Variants in THSD7A observed in about 807,000 individuals in gnomAD.
The protein encoded by THSD7A is thrombospondin type-1 domain-containing protein 7A.
THSD7A carries 96 observed loss-of-function variants against 231.3 expected under a neutral mutation model. The ratio of observed to expected loss-of-function variants is 0.41; its 90% CI spans 0.35 to 0.49. THSD7A has a LOEUF of 0.49. Ranked by LOEUF, THSD7A falls within the 20% of genes least tolerant of loss-of-function variation. The pLI is 0.05. For synonymous variants in THSD7A, 940 were observed against 743.3 expected (o/e 1.26, Z -4.30); for missense variants, 2,290 against 2,070.2 (o/e 1.11, Z -2.06).
chr7:11,384,648 A>G (rs1782658243), intron 23 of THSD7A: 2 of 152,150 alleles, frequency 1.3e-5, no homozygotes, highest in South Asian at 4.1e-4. Flanking sequence ...ACTTACCTAC[A>G]TAAGAATTTG....
At chr7:11,437,697 G>C (rs1583740189) in intron 13 of THSD7A, among the ~76,000 whole-genome samples, 2 of 151,964 alleles carry the variant, frequency 1.3e-5, no homozygotes, top group South Asian at 2.1e-4. Context: ...TTTCTGCCTG[G>C]TTTAATTAAA....
In THSD7A at chr7:11,636,683, C is replaced by T. The variant is rs1781872243; in HGVS notation, c.469G>A (p.Glu157Lys). 6.2e-7 allele frequency: 1 copy of T among 1,614,000 alleles called. No homozygotes were observed. The highest frequency in any genetic ancestry group is 8.5e-7 in the Non-Finnish European group (1 of 1,179,896). Reference sequence around the variant, plus strand: ...TTGTCTTTCTGGATGCACGCTATCTCCCTCACCTGAATACCTTCTTCCCCC... The same window carrying T: ...TTGTCTTTCTGGATGCACGCTATCTTCCTCACCTGAATACCTTCTTCCCCC... ...IKGEEGIQVR[E>K]IACIQKDKDI... Residue 157 changes from glutamate to lysine, a missense_variant, in exon 2 of 28, where the codon GAG becomes AAG. Glu to Lys is a moderately conservative substitution (Grantham distance 56, BLOSUM62 1). Transcript: ENST00000423059. The surrounding 1 kb of genome is among the most constrained non-coding windows in gnomAD (Gnocchi z 10.0).
chr7:11,686,958 C>T (rs1423570221), intron 1 of THSD7A, among the ~76,000 whole-genome samples: 1 of 151,802 alleles, frequency 6.6e-6, no homozygotes, highest in Non-Finnish European at 1.5e-5. Context: ...CATGTACCCT[C>T]TGAATCTAAC....
At chr7:11,612,141 C>T (rs753386857) in intron 2 of THSD7A, among the ~76,000 whole-genome samples, 2 of 152,072 alleles carry the variant, frequency 1.3e-5, no homozygotes, top group Non-Finnish European at 1.5e-5. Context: ...TCTACTGAAT[C>T]GCACCCATGA....
chr7:11,633,973 T>G (rs1781745640), intron 2 of THSD7A, among the ~76,000 whole-genome samples: 1 of 152,188 alleles, frequency 6.6e-6, no homozygotes. Context: ...GTTCTTGATT[T>G]GTGGCCCTGT....
intron 6 of THSD7A, among the ~76,000 whole-genome samples, chr7:11,534,554 G>C (rs988338396): frequency 6.6e-6 from 1 of 152,156 alleles, no homozygotes; most frequent in African/African-American, 2.4e-5. Flanking sequence ...TTCCACAAGA[G>C]AGCTCAGGTG....
chr7:11,627,036 C>A (rs899880473), intron 2 of THSD7A, among the ~76,000 whole-genome samples: 3 of 152,008 alleles, frequency 2.0e-5, no homozygotes, highest in African/African-American at 7.2e-5. Context: ...GGTTTTAAAA[C>A]TAAAAGATTT....
chr7:11,402,602 C>G (rs58102730), intron 22 of THSD7A, among the ~76,000 whole-genome samples: 49,173 of 151,922 alleles, frequency 0.32, 8,263 homozygotes, highest in African/African-American at 0.4. Context: ...ATCATAGATG[C>G]ACAGATGATA....
At chr7:11,791,981 TAA>T (rs1783965748) in intron 1 of THSD7A, among the ~76,000 whole-genome samples, 2 of 151,972 alleles carry the variant, frequency 1.3e-5, no homozygotes, top group African/African-American at 4.8e-5. Flanking sequence ...CAAGAAGCGC[TAA>T]AGACACTTTC....
chr7:11,573,528 G>T (rs758999797), intron 4 of THSD7A, among the ~76,000 whole-genome samples: 1 of 152,170 alleles, frequency 6.6e-6, no homozygotes, highest in Non-Finnish European at 1.5e-5. Context: ...CTGTAATCAC[G>T]GTCTTCTGGC....
intron 25 of THSD7A, 83 bp downstream of exon 25, chr7:11,379,547 T>G (rs1462226601): frequency 7.8e-7 from 1 of 1,289,904 alleles, no homozygotes; most frequent in Non-Finnish European, 1.1e-6. Flanking sequence ...CATGCTTTCT[T>G]TGGAGGAAGA....
chr7:11,489,390 T>C (rs998954334), intron 6 of THSD7A, among the ~76,000 whole-genome samples: 1 of 152,100 alleles, frequency 6.6e-6, no homozygotes, highest in East Asian at 1.9e-4. Context: ...AAAGGACTTA[T>C]TTTAGGAAAC....
At chr7:11,567,563 C>G (rs1790412549) in intron 4 of THSD7A, among the ~76,000 whole-genome samples, 1 of 152,170 alleles carries the variant, frequency 6.6e-6, no homozygotes, top group African/African-American at 2.4e-5. Context: ...AGCAATAATT[C>G]TCACCCTGGG....
At chr7:11,556,383 CTAAAG>C (rs753247186) in intron 4 of THSD7A, among the ~76,000 whole-genome samples, 3 of 151,562 alleles carry the variant, frequency 2.0e-5, no homozygotes, top group Non-Finnish European at 4.4e-5. Context: ...GCTAGTTCAA[CTAAAG>C]TATAGAAATC....
At chr7:11,763,309 C>G (rs939116984) in intron 1 of THSD7A, among the ~76,000 whole-genome samples, 1 of 152,160 alleles carries the variant, frequency 6.6e-6, no homozygotes, top group African/African-American at 2.4e-5. Context: ...CAACTCTTTT[C>G]AATTTTCAGG....
Position 11,411,240 on chromosome 7 carries a change from A to G in THSD7A, c.3765T>C (p.Asp1255=). Reference sequence around the variant, plus strand: ...AATATTTCAGGTCAACTGACTTGCCATCACTTCGAACACAATCCAACATCC... The same window carrying G: ...AATATTTCAGGTCAACTGACTTGCCGTCACTTCGAACACAATCCAACATCC... ...KTRMLDCVRS[D]GKSVDLKYCE... Residue 1255 remains aspartate (D), a synonymous_variant, in exon 19 of 28, where the codon GAT becomes GAC. Coordinates refer to ENST00000423059, the MANE Select transcript of THSD7A (RefSeq NM_015204.3). This position sits in a 1 kb window ranked among gnomAD's most constrained non-coding sequence, Gnocchi z 4.1. 2 of 1,613,874 alleles carry G rather than the reference A, an allele frequency of 1.2e-6. No individual in the cohort carries two copies. Among genetic ancestry groups the G allele is most frequent in the African/African-American group, 1.3e-5 (1 of 75,050 alleles).
intron 1 of THSD7A, among the ~76,000 whole-genome samples, chr7:11,772,933 G>A (rs1293643625): frequency 6.6e-6 from 1 of 151,998 alleles, no homozygotes; most frequent in Non-Finnish European, 1.5e-5. Context: ...TTCAAACGTG[G>A]GCAGCAATGG....
At chr7:11,672,844 T>C (rs1431069658) in intron 1 of THSD7A, among the ~76,000 whole-genome samples, 1 of 152,304 alleles carries the variant, frequency 6.6e-6, no homozygotes, top group Non-Finnish European at 1.5e-5. Context: ...CATTTTGAAT[T>C]GAGAAAACAG....
intron 1 of THSD7A, among the ~76,000 whole-genome samples, chr7:11,658,438 T>G (rs967979170): frequency 6.6e-6 from 1 of 151,266 alleles, no homozygotes; most frequent in Non-Finnish European, 1.5e-5. Flanking sequence ...CAGATAGGCC[T>G]TTTTTTTCAC....
Sources: allele counts gnomAD v4.1 joint callset (sites outside exome capture counted in the v4.1 genomes callset), GRCh38; gene constraint gnomAD v4.1.1; non-coding constraint Gnocchi (gnomAD v3.1); transcripts MANE v1.5; gene names NCBI Gene and HGNC (gene_info 2026-07-23, HGNC 2026-07-21).